The following JADE2 variants were observed in gnomAD, a reference collection of about 807,000 sequenced individuals.
The protein encoded by JADE2 is E3 ubiquitin-protein ligase Jade-2.
In JADE2, 13 loss-of-function variants were observed where a neutral mutation model predicts 85.7. The ratio of observed to expected loss-of-function variants is 0.15; its 90% confidence interval spans 0.10 to 0.24. JADE2 has a LOEUF of 0.24. JADE2 is among the 10% of genes least tolerant of loss of function. The probability of loss-of-function intolerance (pLI) is 1.00; values close to 1 mark genes in which losing one functional copy is unlikely to be tolerated. For synonymous variants in JADE2, 440 were observed against 456.1 expected (o/e 0.96, Z 0.45); for missense variants, 846 against 1,115.9 (o/e 0.76, Z 3.45).
intron 1 of JADE2, 84 bp from the exon 2 acceptor site, chr5:134,535,774 G>A (rs1761546469): frequency 4.6e-6 from 5 of 1,087,090 alleles, no homozygotes; most frequent in South Asian, 1.3e-5. Context: ...TAAGTGTGGG[G>A]AGGTTGGTTA....
chr5:134,552,029 C>G (rs764196201), intron 3 of JADE2, 23 bp from the exon 4 acceptor site: 5 of 1,614,156 alleles, frequency 3.1e-6, no homozygotes, highest in African/African-American at 1.3e-5. Flanking sequence ...TGAAGTCACT[C>G]TTTCCCCTCT....
rs1353600597 is a variant in JADE2 at position 134,583,159 on chromosome 5, G to C, written c.*3842G>C. The C allele has an allele frequency of 6.6e-6, 1 of 152,656 alleles. No homozygotes were observed. Among genetic ancestry groups the C allele is most frequent in the Non-Finnish European group, 1.5e-5 (1 of 68,078 alleles). The allele number at this position is 152,656 out of a possible 1,614,324, so 9.5% of individuals were successfully genotyped here. A position where few individuals can be genotyped will look rare whatever the true frequency, so the allele number is the denominator to read the frequency against. Reference sequence around the variant, plus strand: ...CCAGACCCCGGCCCCACCAGGGCTTGTGTCATAGGGAGCCCTTTGCACTCC... The same window carrying C: ...CCAGACCCCGGCCCCACCAGGGCTTCTGTCATAGGGAGCCCTTTGCACTCC... On this transcript the variant is annotated 3_prime_UTR_variant, in exon 12 of 12. Transcript: ENST00000681547.
intron 9 of JADE2, among the ~76,000 whole-genome samples, chr5:134,569,110 G>A (rs1338827740): frequency 6.6e-6 from 1 of 152,270 alleles, no homozygotes; most frequent in Non-Finnish European, 1.5e-5. Flanking sequence ...GGATCAGACT[G>A]ACCTTGGGGT....
At chr5:134,544,499 GA>G in intron 3 of JADE2, 1 of 166,950 alleles carries the variant, frequency 6.0e-6, no homozygotes, top group African/African-American at 2.4e-5. Flanking sequence ...ACTCCTTCCC[GA>G]GACTCATGGA....
chr5:134,532,008 T>C (rs1761279966), intron 1 of JADE2, among the ~76,000 whole-genome samples: 1 of 146,474 alleles, frequency 6.8e-6, no homozygotes, highest in African/African-American at 2.5e-5. Context: ...CTTCAGCCCC[T>C]TCAGCAGCTG....
chr5:134,549,635 C>T (rs2149926030), intron 3 of JADE2, among the ~76,000 whole-genome samples: 1 of 151,686 alleles, frequency 6.6e-6, no homozygotes, highest in South Asian at 2.1e-4. Flanking sequence ...CCAGCCTGGG[C>T]AACAGAGCAA....
In JADE2 at chr5:134,526,921, C is replaced by T. The variant is rs906504847; in HGVS notation, c.-1+910C>T. 2.6e-5 allele frequency among the ~76,000 whole-genome samples: 4 copies of T among 152,238 alleles called. No homozygotes were observed. The East Asian group carries it at 5.8e-4, about 22-fold the overall frequency. On this transcript the variant is annotated intron_variant, in intron 1 of 11. Transcript: ENST00000681547. ...CGGCGGGTGCGCGCCCGCGGGGCGA[C>T]GGCAGGGGGCGTGGCCCTTGTTTAC...
At chr5:134,538,326 G>T (rs1488646427) in intron 3 of JADE2, among the ~76,000 whole-genome samples, 1 of 152,188 alleles carries the variant, frequency 6.6e-6, no homozygotes, top group Non-Finnish European at 1.5e-5. Context: ...TAATGACACA[G>T]CCTGATGTTT....
chr5:134,536,003 G>C, intron 2 of JADE2, 88 bp downstream of exon 2: 1 of 1,128,844 alleles, frequency 8.9e-7, no homozygotes, highest in Non-Finnish European at 1.3e-6. Context: ...GCTGCCCTGT[G>C]GTCTTAATTT....
At chr5:134,564,783 T>C (rs1453029489) in intron 8 of JADE2, among the ~76,000 whole-genome samples, 173 bp downstream of exon 8, 4 of 152,104 alleles carry the variant, frequency 2.6e-5, no homozygotes, top group African/African-American at 4.8e-5. Context: ...GGAGCATTTC[T>C]CCATCCCCTG....
At position 134,566,378 on chromosome 5, in the gene JADE2, C is replaced by G; in HGVS notation, c.1232C>G (p.Ala411Gly). 10 of 1,614,036 alleles carry G rather than the reference C, an allele frequency of 6.2e-6. No individual in the cohort carries two copies. Among genetic ancestry groups the G allele is most frequent in the Non-Finnish European group, 7.6e-6 (9 of 1,180,006 alleles). ...GACTTCTACGAGCTGGTGGAGCCGG[C>G]TGAGGTGGCTGAGCGGCTGGACCTG... ...EEDFYELVEP[A>G]EVAERLDLAE... The change falls in exon 9 of 12, where the codon GCT (alanine) becomes GGT (glycine). Residue 411 changes from alanine to glycine, a missense_variant. By Grantham distance (60) the Ala-to-Gly change is moderately conservative (BLOSUM62 0). This residue lies in a region of JADE2 where 88 missense variants were observed against 140.6 expected (regional missense o/e 0.63). Coordinates refer to ENST00000681547, the MANE Select transcript of JADE2 (RefSeq NM_001388185.1). This position sits in a 1 kb window ranked among gnomAD's most constrained non-coding sequence, Gnocchi z 6.7.
chr5:134,559,024 G>A (rs2149967749), intron 4 of JADE2, among the ~76,000 whole-genome samples: 1 of 152,354 alleles, frequency 6.6e-6, no homozygotes, highest in South Asian at 2.1e-4. Context: ...GCTGGGGAGG[G>A]ATCCTGGGAC....
Position 134,566,455 on chromosome 5 carries a change from G to A in JADE2, c.1309G>A (p.Ala437Thr), listed in dbSNP as rs1763648347. The A allele has an allele frequency of 6.2e-7, 1 of 1,613,790 alleles. No individual in the cohort carries two copies. The highest frequency in any genetic ancestry group is 8.5e-7 in the Non-Finnish European group (1 of 1,179,884). ...IYQYWKLKRK[A>T]NANQPLLTPK... ...CCAGTACTGGAAGCTGAAGAGGAAA[G>A]CCAATGCCAACCAGCCGCTGCTGAC... The change falls in exon 9 of 12, where the codon GCC becomes ACC. Residue 437 changes from alanine to threonine, a missense_variant. Ala to Thr is a moderately conservative substitution (Grantham distance 58, BLOSUM62 0). Around this residue, in one of 9 missense-constraint regions of JADE2, gnomAD observed 88 missense variants for 140.6 expected, o/e 0.63. Coordinates refer to ENST00000681547, the MANE Select transcript of JADE2 (RefSeq NM_001388185.1). This position sits in a 1 kb window ranked among gnomAD's most constrained non-coding sequence, Gnocchi z 6.7.
At chr5:134,526,525 A>G in intron 1 of JADE2, 1 of 985,254 alleles carries the variant, frequency 1.0e-6, no homozygotes, top group Non-Finnish European at 1.2e-6. Context: ...GATACGCAGC[A>G]CGTCCGGGCG....
At chr5:134,546,158 G>T (rs1224081865) in intron 3 of JADE2, among the ~76,000 whole-genome samples, 4 of 88,546 alleles carry the variant, frequency 4.5e-5, no homozygotes, top group East Asian at 4.2e-4. Context: ...TTGTTTTTTT[G>T]TTTGTTTGTT....
intron 1 of JADE2, among the ~76,000 whole-genome samples, chr5:134,534,896 C>T (rs554384534): frequency 1.4e-4 from 21 of 152,218 alleles, no homozygotes; most frequent in Admixed American, 5.2e-4. Flanking sequence ...GCAGGCTCTG[C>T]CACCTGGGAC....
At chr5:134,543,287 C>T (rs543068560) in intron 3 of JADE2, among the ~76,000 whole-genome samples, 2 of 151,650 alleles carry the variant, frequency 1.3e-5, no homozygotes, top group East Asian at 4.0e-4. Flanking sequence ...ACCTCGGCCT[C>T]CCAAAGTGCT....
intron 1 of JADE2, among the ~76,000 whole-genome samples, chr5:134,534,926 CAGT>C (rs1450180149): frequency 1.3e-5 from 2 of 152,198 alleles, no homozygotes; most frequent in African/African-American, 2.4e-5. Context: ...TTATAGGAAA[CAGT>C]GGTGGGAAAA....
intron 1 of JADE2, chr5:134,526,663 G>T (rs1760844129): frequency 4.4e-5 from 43 of 985,438 alleles, no homozygotes; most frequent in Non-Finnish European, 5.1e-5. Context: ...GTGCACGCGG[G>T]CGCTGCACGC....
Sources: allele counts gnomAD v4.1 joint callset (sites outside exome capture counted in the v4.1 genomes callset), GRCh38; gene constraint gnomAD v4.1.1; regional missense constraint gnomAD v4.1.1; non-coding constraint Gnocchi (gnomAD v3.1); transcripts MANE v1.5; gene names NCBI Gene and HGNC (gene_info 2026-07-23, HGNC 2026-07-21).